CACNB4: variants seen among roughly 807,000 people sequenced by gnomAD.
The protein encoded by CACNB4 is calcium voltage-gated channel auxiliary subunit beta 4.
In CACNB4, 32 loss-of-function variants were observed where a neutral mutation model predicts 71.2. The observed-to-expected ratio is 0.45, with a 90% CI of 0.34 to 0.60. The LOEUF (loss-of-function observed/expected upper bound fraction) is 0.60, where lower values mean the gene tolerates loss of function less well. Among genes scored for constraint, CACNB4 ranks in the 20% least tolerant of loss-of-function variants. The pLI is 0.01. For synonymous variants in CACNB4, 231 were observed against 236.9 expected, an observed-to-expected ratio of 0.97 and a Z score of 0.23; for missense variants, 464 against 647.9, an observed-to-expected ratio of 0.72 and a Z score of 3.08.
At chr2:151,892,181 T>C (rs1325007423) in intron 2 of CACNB4, among the ~76,000 whole-genome samples, 1 of 152,196 alleles carries the variant, frequency 6.6e-6, no homozygotes, top group Non-Finnish European at 1.5e-5. Context: ...GTGACTTTTC[T>C]GGAAAAGTGA....
At chr2:152,059,170 T>C (rs758444658) in intron 2 of CACNB4, among the ~76,000 whole-genome samples, 13 of 152,184 alleles carry the variant, frequency 8.5e-5, no homozygotes, top group Non-Finnish European at 1.0e-4. Context: ...AAGGGAAATG[T>C]GGGGTTGGAG....
intron 2 of CACNB4, among the ~76,000 whole-genome samples, chr2:151,952,479 G>A (rs184805558): frequency 1.3e-5 from 2 of 152,282 alleles, no homozygotes; most frequent in African/African-American, 2.4e-5. Flanking sequence ...ACCATACTCC[G>A]CCTCTGTAGA....
rs999226102 is a variant in CACNB4, at chr2:151,838,881, T to G, written c.*238A>C. The G allele has an allele frequency of 2.7e-6, 1 of 371,852 alleles. No homozygotes were observed. Among genetic ancestry groups the G allele is most frequent in the African/African-American group, 2.1e-5 (1 of 48,612 alleles). 23.0% of individuals were successfully genotyped at this position (371,852 alleles called of 1,614,324 possible). A position where few individuals can be genotyped will look rare whatever the true frequency, so the allele number is the denominator to read the frequency against. On this transcript the variant is annotated 3_prime_UTR_variant, in exon 14 of 14. Transcript: ENST00000539935. ...GTCTAAATCTATGAAGAAAACAAAA[T>G]GTACTGTTATCATGTAAATGTTGCA...
chr2:152,077,186 C>T (rs1274553246), intron 2 of CACNB4, among the ~76,000 whole-genome samples: 2 of 152,092 alleles, frequency 1.3e-5, no homozygotes, highest in Non-Finnish European at 2.9e-5. Context: ...TTTGGGAGGC[C>T]GAGGTGGGTG....
At chr2:152,066,510 A>T (rs1320320400) in intron 2 of CACNB4, among the ~76,000 whole-genome samples, 6 of 150,898 alleles carry the variant, frequency 4.0e-5, no homozygotes, top group African/African-American at 1.5e-4. Flanking sequence ...GCTGGAGAGG[A>T]TGTGGAGAAA....
At chr2:151,885,586 A>G (rs1016446543) in intron 2 of CACNB4, among the ~76,000 whole-genome samples, 1 of 152,260 alleles carries the variant, frequency 6.6e-6, no homozygotes, top group Admixed American at 6.5e-5. Context: ...CTCAATGATT[A>G]TATATGCACA....
intron 2 of CACNB4, among the ~76,000 whole-genome samples, chr2:151,896,338 G>A (rs1362286586): frequency 6.6e-5 from 10 of 152,144 alleles, no homozygotes; most frequent in Non-Finnish European, 5.9e-5. Flanking sequence ...AGAAGATGAC[G>A]AATGGTTGGA....
At chr2:152,066,231 C>G (rs891489999) in intron 2 of CACNB4, among the ~76,000 whole-genome samples, 5 of 152,168 alleles carry the variant, frequency 3.3e-5, no homozygotes, top group African/African-American at 1.2e-4. Flanking sequence ...TCACCTCCTG[C>G]TCCAGAGCTT....
chr2:151,840,999 G>C (rs533782029), intron 13 of CACNB4, among the ~76,000 whole-genome samples: 3 of 152,296 alleles, frequency 2.0e-5, no homozygotes, highest in African/African-American at 7.2e-5. Flanking sequence ...AACAGCAGAA[G>C]GGAGAACCTC....
intron 2 of CACNB4, among the ~76,000 whole-genome samples, chr2:152,056,842 C>A (rs1458425039): frequency 6.6e-6 from 1 of 152,090 alleles, no homozygotes; most frequent in African/African-American, 2.4e-5. Context: ...CAACTTTCTG[C>A]CCTCATTGAC....
intron 2 of CACNB4, among the ~76,000 whole-genome samples, chr2:152,023,752 T>C (rs1305062527): frequency 6.6e-6 from 1 of 152,186 alleles, no homozygotes; most frequent in Non-Finnish European, 1.5e-5. Context: ...GCATTTAATA[T>C]GAATTTCTGG....
intron 2 of CACNB4, among the ~76,000 whole-genome samples, chr2:152,083,601 G>T (rs1687485999): frequency 6.6e-6 from 1 of 152,186 alleles, no homozygotes; most frequent in Non-Finnish European, 1.5e-5. Context: ...TGCTGATGAA[G>T]CCACGAACTT....
chr2:151,973,640 G>A (rs750433767), intron 2 of CACNB4: 3 of 1,603,930 alleles, frequency 1.9e-6, no homozygotes, highest in African/African-American at 1.3e-5. Flanking sequence ...GGAGGGGAGA[G>A]GGAATTAGCT....
chr2:151,905,097 G>A (rs1014152979), intron 2 of CACNB4, among the ~76,000 whole-genome samples: 1 of 152,164 alleles, frequency 6.6e-6, no homozygotes, highest in South Asian at 2.1e-4. Flanking sequence ...TGGTTCAAGT[G>A]CGTGCCAGGA....
intron 2 of CACNB4, among the ~76,000 whole-genome samples, chr2:151,994,759 T>C (rs546589483): frequency 1.3e-5 from 2 of 152,288 alleles, no homozygotes; most frequent in South Asian, 4.1e-4. Flanking sequence ...AGGTTTTCCT[T>C]TTAGCCTCCT....
At chr2:152,065,186 C>T (rs1370075746) in intron 2 of CACNB4, among the ~76,000 whole-genome samples, 1 of 152,126 alleles carries the variant, frequency 6.6e-6, no homozygotes, top group Non-Finnish European at 1.5e-5. Flanking sequence ...AGTTCGATAC[C>T]AGCCTAGCTA....
intron 12 of CACNB4, among the ~76,000 whole-genome samples, chr2:151,848,335 C>G (rs2099838149): frequency 6.6e-6 from 1 of 152,300 alleles, no homozygotes; most frequent in Non-Finnish European, 1.5e-5. Context: ...TGATTACCCC[C>G]CTTTTCAAAA....
intron 2 of CACNB4, among the ~76,000 whole-genome samples, chr2:151,902,004 T>TTC (rs2099853558): frequency 6.6e-6 from 1 of 151,666 alleles, no homozygotes; most frequent in Non-Finnish European, 1.5e-5. Context: ...GTTGGCAACG[T>TTC]TCTCCCTAGT....
At chr2:152,073,801 A>G (rs546513740) in intron 2 of CACNB4, among the ~76,000 whole-genome samples, 2 of 152,318 alleles carry the variant, frequency 1.3e-5, no homozygotes, top group African/African-American at 4.8e-5. Flanking sequence ...TCCCTTCAAT[A>G]ACAAATGCAA....
Sources: gnomAD v4.1 joint callset for allele counts (sites outside exome capture counted in the v4.1 genomes callset) on GRCh38, gnomAD v4.1.1 for gene constraint, MANE v1.5 for transcripts, NCBI Gene and HGNC (gene_info 2026-07-23, HGNC 2026-07-21) for gene names.